The following ZUP1 variants were observed in gnomAD, a reference collection of about 807,000 sequenced individuals.
The protein encoded by ZUP1 is zinc finger-containing ubiquitin peptidase 1.
Under a neutral mutation model 68.1 loss-of-function variants are expected in ZUP1, and 55 were observed. The ratio of observed to expected loss-of-function variants is 0.81; its 90% CI spans 0.65 to 1.01. ZUP1 has a LOEUF of 1.01. Ranked by LOEUF, ZUP1 falls within the 50% of genes least tolerant of loss-of-function variation. The pLI is 0.00. For synonymous variants in ZUP1, 223 were observed against 221.5 expected, an observed-to-expected ratio of 1.01 and a Z score of -0.06; for missense variants, 684 against 674.9, an observed-to-expected ratio of 1.01 and a Z score of -0.15.
intron 9 of ZUP1, among the ~76,000 whole-genome samples, chr6:116,636,355 A>C (rs1775910039): frequency 6.6e-6 from 1 of 152,204 alleles, no homozygotes; most frequent in African/African-American, 2.4e-5. Flanking sequence ...AATTAAGTTA[A>C]ATCAAGCTGA....
chr6:116,640,553 A>G (rs531727111), intron 9 of ZUP1, among the ~76,000 whole-genome samples: 1 of 152,186 alleles, frequency 6.6e-6, no homozygotes, highest in African/African-American at 2.4e-5. Context: ...TAAAGAAAAG[A>G]ATTTTCAACC....
intron 1 of ZUP1, among the ~76,000 whole-genome samples, chr6:116,668,013 T>A (rs1484711762): frequency 7.5e-6 from 1 of 133,938 alleles, no homozygotes; most frequent in Non-Finnish European, 1.6e-5. Context: ...CATAAAAGTG[T>A]TAAAAAAATA....
rs1192646261 is a variant in ZUP1 at position 116,668,664 on chromosome 6, T to A, written c.-114A>T. The A allele has an allele frequency of 6.6e-6, 1 of 152,332 alleles. No individual in the cohort carries two copies. Among genetic ancestry groups the A allele is most frequent in the South Asian group, 2.1e-4 (1 of 4,834 alleles). The allele number at this position is 152,332 out of a possible 1,614,324, so 9.4% of individuals were successfully genotyped here. A position where few individuals can be genotyped will look rare whatever the true frequency, so the allele number is the denominator to read the frequency against. On this transcript the variant is annotated 5_prime_UTR_variant, in exon 1 of 10. Transcript: ENST00000368576. ...CGTGCGCGGCGTCCAGTACCTCTCC[T>A]GGCCTGATGACTGAGGCCAGGCCTT...
intron 5 of ZUP1, among the ~76,000 whole-genome samples, chr6:116,655,513 G>A (rs547070810): frequency 2.6e-5 from 4 of 152,300 alleles, no homozygotes; most frequent in African/African-American, 9.6e-5. Context: ...TATCAAAGGT[G>A]TTGAAGCTTT....
At position 116,642,889 on chromosome 6, in the gene ZUP1, G is replaced by A. The variant is rs1349961939; in HGVS notation, c.1689+2825C>T. On this transcript the variant is annotated intron_variant, in intron 9 of 9. Transcript: ENST00000368576. ...GGGTATTCAATTAGGAAAAGAGGAA[G>A]TCAAATTGTCCCTGTTTGCAGATGA... Among the ~76,000 whole-genome samples, 3 of 152,194 alleles carry A rather than the reference G, an allele frequency of 2.0e-5. No homozygotes were observed. In the East Asian group the frequency reaches 5.8e-4, roughly 29 times the overall value.
At chr6:116,654,455 T>G (rs1015363929) in intron 5 of ZUP1, among the ~76,000 whole-genome samples, 2 of 151,794 alleles carry the variant, frequency 1.3e-5, no homozygotes, top group African/African-American at 4.8e-5. Context: ...GGATTTAAAA[T>G]CAAAATATGA....
intron 3 of ZUP1, among the ~76,000 whole-genome samples, chr6:116,659,996 C>CT (rs1776787677): frequency 6.6e-6 from 1 of 152,202 alleles, no homozygotes; most frequent in Non-Finnish European, 1.5e-5. Context: ...TTATTACCCA[C>CT]TATAGGTTTA....
At chr6:116,638,548 C>G (rs1353237980) in intron 9 of ZUP1, among the ~76,000 whole-genome samples, 2 of 152,174 alleles carry the variant, frequency 1.3e-5, no homozygotes, top group African/African-American at 2.4e-5. Context: ...TTAGGAGTCA[C>G]AAGAATCATA....
At position 116,666,966 on chromosome 6, in the gene ZUP1, T is replaced by C. The variant is rs1777030792; in HGVS notation, c.227A>G (p.Lys76Arg). 1.2e-6 allele frequency: 2 copies of C among 1,613,676 alleles called. No individual in the cohort carries two copies. Among genetic ancestry groups the C allele is most frequent in the Admixed American group, 3.3e-5 (2 of 59,990 alleles). The change falls in exon 2 of 10, where the codon AAG becomes AGG. Residue 76 changes from lysine (K) to arginine (R), a missense_variant. Coordinates refer to ENST00000368576, the MANE Select transcript of ZUP1 (RefSeq NM_145062.3). Reference sequence around the variant, plus strand: ...TCCACACTGTAGGGTGTTGTCTTTCTTGTTATCTGAAGTTCCATATTGTAC... The same window carrying C: ...TCCACACTGTAGGGTGTTGTCTTTCCTGTTATCTGAAGTTCCATATTGTAC... ...NTVQYGTSDN[K>R]KDNTLQCGME...
At chr6:116,644,232 C>G (rs1776215022) in intron 9 of ZUP1, among the ~76,000 whole-genome samples, 1 of 152,162 alleles carries the variant, frequency 6.6e-6, no homozygotes, top group South Asian at 2.1e-4. Context: ...CACTTTTACA[C>G]TATTGGTGGG....
chr6:116,646,104 AG>A, intron 8 of ZUP1, 170 bp from the exon 9 acceptor site: 1 of 444,234 alleles, frequency 2.3e-6, no homozygotes, highest in Non-Finnish European at 3.9e-6. Context: ...GTTCTACTTC[AG>A]TTTTTTCATT....
At position 116,652,171 on chromosome 6, in the gene ZUP1, C is replaced by T. The variant is rs769058515; in HGVS notation, c.983G>A (p.Arg328Lys). The T allele has an allele frequency of 1.9e-6, 3 of 1,612,050 alleles. No individual in the cohort carries two copies. The highest frequency in any genetic ancestry group is 2.5e-6 in the Non-Finnish European group (3 of 1,179,258). ...KTSGIIEALHRYYQNAATDVR... is the reference protein window; with the variant it reads ...KTSGIIEALHKYYQNAATDVR... ...ATCTGTGGCAGCATTCTGATAATAC[C>T]TATGAAGTGCTTCAATAATTCCTAA... is the stretch of plus-strand genomic sequence containing the variant. The change falls in exon 6 of 10, where the codon AGG (arginine) becomes AAG (lysine). Residue 328 changes from arginine to lysine, a missense_variant. Arg to Lys is a conservative substitution (Grantham distance 26). Transcript: ENST00000368576.
At chr6:116,641,663 C>G (rs1321233160) in intron 9 of ZUP1, among the ~76,000 whole-genome samples, 1 of 152,078 alleles carries the variant, frequency 6.6e-6, no homozygotes, top group East Asian at 1.9e-4. Flanking sequence ...CACAACATAA[C>G]ACAATCTCTG....
chr6:116,644,656 A>G (rs1352012789), intron 9 of ZUP1, among the ~76,000 whole-genome samples: 2 of 148,516 alleles, frequency 1.3e-5, no homozygotes, highest in Admixed American at 6.7e-5. Flanking sequence ...ACATGGACAC[A>G]GGAAGGGGAA....
chr6:116,640,293 A>G (rs575619457), intron 9 of ZUP1, among the ~76,000 whole-genome samples: 94 of 152,344 alleles, frequency 6.2e-4, no homozygotes, highest in African/African-American at 2.2e-3. Flanking sequence ...AACTTCCCCA[A>G]TCTAGCAAGG....
intron 9 of ZUP1, among the ~76,000 whole-genome samples, chr6:116,638,606 G>A (rs1186997555): frequency 3.3e-5 from 5 of 152,156 alleles, no homozygotes; most frequent in Admixed American, 3.3e-4. Flanking sequence ...GGTCTCCTTG[G>A]ATTAAGTTAG....
chr6:116,639,648 TA>T (rs1776023739), intron 9 of ZUP1, among the ~76,000 whole-genome samples: 1 of 152,126 alleles, frequency 6.6e-6, no homozygotes, highest in African/African-American at 2.4e-5. Context: ...GAAGGAAAAC[TA>T]ACAAACAGAA....
intron 3 of ZUP1, chr6:116,660,416 A>G (rs1776799885): frequency 5.5e-6 from 1 of 182,680 alleles, no homozygotes; most frequent in Non-Finnish European, 1.1e-5. Flanking sequence ...TAGAATCACA[A>G]TAAAACCAGT....
intron 3 of ZUP1, 137 bp downstream of exon 3, chr6:116,660,599 A>C (rs1278748932): frequency 3.6e-6 from 2 of 561,648 alleles, no homozygotes; most frequent in African/African-American, 3.9e-5. Context: ...AAATGGCCTC[A>C]ACTTGTAAAT....
Sources: allele counts gnomAD v4.1 joint callset (sites outside exome capture counted in the v4.1 genomes callset), GRCh38; gene constraint gnomAD v4.1.1; transcripts MANE v1.5; gene names NCBI Gene and HGNC (gene_info 2026-07-23, HGNC 2026-07-21).